Variants in TMEM117 observed in about 807,000 individuals in gnomAD.
The protein encoded by TMEM117 is transmembrane protein 117.
In TMEM117, 27 loss-of-function variants were observed where a neutral mutation model predicts 52.4. The observed-to-expected ratio is 0.51, with a 90% CI of 0.38 to 0.71. The LOEUF (loss-of-function observed/expected upper bound fraction) is 0.71, where lower values mean the gene tolerates loss of function less well. Among genes scored for constraint, TMEM117 ranks in the 30% least tolerant of loss-of-function variants. The pLI is 0.00. For synonymous variants in TMEM117, 215 were observed against 206.3 expected, an observed-to-expected ratio of 1.04 and a Z score of -0.36; for missense variants, 556 against 630.5, an observed-to-expected ratio of 0.88 and a Z score of 1.26.
At chr12:44,387,675 C>T (rs2138875895) in intron 7 of TMEM117, among the ~76,000 whole-genome samples, 1 of 152,162 alleles carries the variant, frequency 6.6e-6, no homozygotes, top group Middle Eastern at 3.4e-3. Flanking sequence ...TTTCATTAGA[C>T]TTTGTTTTTT....
intron 5 of TMEM117, among the ~76,000 whole-genome samples, chr12:44,247,845 G>A (rs1334880330): frequency 6.6e-6 from 1 of 152,144 alleles, no homozygotes; most frequent in East Asian, 1.9e-4. Context: ...GATAGCCTGG[G>A]GTCTGACACT....
intron 3 of TMEM117, among the ~76,000 whole-genome samples, chr12:44,105,318 T>C (rs1947934112): frequency 6.6e-6 from 1 of 152,042 alleles, no homozygotes; most frequent in Non-Finnish European, 1.5e-5. Context: ...CTAGAATTTT[T>C]AAATTATTTC....
At chr12:44,170,126 G>A (rs1329481854) in intron 4 of TMEM117, among the ~76,000 whole-genome samples, 2 of 151,992 alleles carry the variant, frequency 1.3e-5, no homozygotes, top group East Asian at 1.9e-4. Flanking sequence ...AAAAAAGGAT[G>A]CGTTCATGTC....
intron 3 of TMEM117, among the ~76,000 whole-genome samples, chr12:44,141,877 A>T (rs1948575705): frequency 6.6e-6 from 1 of 152,194 alleles, no homozygotes; most frequent in Non-Finnish European, 1.5e-5. Context: ...AAGGTTCTGC[A>T]TACTATTCTT....
At chr12:43,804,184 T>C in the TMEM117 span, 3 of 442,730 alleles carry the variant, frequency 6.8e-6, no homozygotes, top group South Asian at 5.1e-5. Flanking sequence ...ACCTGTTTAG[T>C]GATTTCCATT....
intron 3 of TMEM117, among the ~76,000 whole-genome samples, chr12:44,129,206 G>T (rs574387322): frequency 1.8e-4 from 27 of 152,322 alleles, no homozygotes; most frequent in Middle Eastern, 3.4e-3. Context: ...GCTTCCATTA[G>T]TCATACTGGG....
intron 2 of TMEM117, among the ~76,000 whole-genome samples, chr12:43,917,199 C>G (rs1343703663): frequency 7.0e-6 from 1 of 142,628 alleles, no homozygotes; most frequent in Non-Finnish European, 1.5e-5. Context: ...TTAAGACCAG[C>G]CTGGGCAAGA....
chr12:44,200,672 T>G (rs979243105), intron 4 of TMEM117, among the ~76,000 whole-genome samples: 1 of 152,134 alleles, frequency 6.6e-6, no homozygotes, highest in Non-Finnish European at 1.5e-5. Context: ...CATATCTAAC[T>G]CTGAATCAGT....
At chr12:43,812,237 T>C in the TMEM117 span, among the ~76,000 whole-genome samples, 1 of 152,216 alleles carries the variant, frequency 6.6e-6, no homozygotes, top group Non-Finnish European at 1.5e-5. Flanking sequence ...GACTTGACAC[T>C]ATTCTCTCTT....
chr12:44,377,912 T>C (rs1241771713), intron 7 of TMEM117, among the ~76,000 whole-genome samples: 3 of 152,258 alleles, frequency 2.0e-5, no homozygotes, highest in Non-Finnish European at 4.4e-5. Context: ...AGCTCATGAA[T>C]AGGGAAGATG....
At position 44,028,911 on chromosome 12, in the gene TMEM117, C is replaced by T. The variant is rs374906057; in HGVS notation, c.410+84569C>T. On this transcript the variant is annotated intron_variant, in intron 3 of 7. Transcript: ENST00000266534. The stretch of plus-strand genomic sequence containing the variant: ...GGTGACCATGGAAGGTACTATAATG[C>T]GGAAACCCCTGACCCAAATGCTAAC... 7.2e-5 allele frequency among the ~76,000 whole-genome samples: 11 copies of T among 152,116 alleles called. 1 individual carries two copies. Among genetic ancestry groups the T allele is most frequent in the East Asian group, 1.9e-4 (1 of 5,182 alleles).
At chr12:43,835,699 T>G (rs527458589), upstream of TMEM117, among the ~76,000 whole-genome samples, 156 of 152,246 alleles carry the variant, frequency 1.0e-3, no homozygotes, top group South Asian at 6.0e-3. Context: ...ATGGTGGATT[T>G]TCTGTCAGCC....
chr12:44,317,501 C>A (rs1348540196), intron 6 of TMEM117, among the ~76,000 whole-genome samples: 1 of 151,892 alleles, frequency 6.6e-6, no homozygotes, highest in Non-Finnish European at 1.5e-5. Flanking sequence ...TTCAAGCAAT[C>A]CTCCTGCCTC....
chr12:44,207,278 T>TTA (rs1345057728), intron 4 of TMEM117, among the ~76,000 whole-genome samples: 1 of 152,144 alleles, frequency 6.6e-6, no homozygotes, highest in Non-Finnish European at 1.5e-5. Flanking sequence ...AAATCAATAT[T>TTA]TTACATGAAT....
chr12:43,896,878 C>A (rs1285567275), intron 2 of TMEM117, among the ~76,000 whole-genome samples: 1 of 152,028 alleles, frequency 6.6e-6, no homozygotes, highest in Admixed American at 6.5e-5. Context: ...GGTGTTTGCC[C>A]TATAATTTAA....
At chr12:43,947,963 G>C (rs539623212) in intron 3 of TMEM117, among the ~76,000 whole-genome samples, 1 of 152,184 alleles carries the variant, frequency 6.6e-6, no homozygotes, top group African/African-American at 2.4e-5. Flanking sequence ...ATCTAAACTG[G>C]GGTCTCATGA....
At chr12:43,913,831 GA>G (rs1944555960) in intron 2 of TMEM117, among the ~76,000 whole-genome samples, 2 of 152,204 alleles carry the variant, frequency 1.3e-5, no homozygotes, top group South Asian at 4.1e-4. Context: ...CAGAATATAA[GA>G]TATGTTTTAT....
intron 3 of TMEM117, among the ~76,000 whole-genome samples, chr12:44,119,827 G>A (rs1251122978): frequency 6.6e-6 from 1 of 152,132 alleles, no homozygotes; most frequent in Non-Finnish European, 1.5e-5. Context: ...TCTTTAAAGT[G>A]CCCTAAGGTG....
intron 2 of TMEM117, among the ~76,000 whole-genome samples, chr12:43,891,733 A>G (rs968560840): frequency 1.3e-5 from 2 of 152,016 alleles, no homozygotes; most frequent in East Asian, 3.9e-4. Flanking sequence ...CTCTTATTTT[A>G]TATAATTTTC....
Sources: gnomAD v4.1 joint callset for allele counts (sites outside exome capture counted in the v4.1 genomes callset) on GRCh38, gnomAD v4.1.1 for gene constraint, MANE v1.5 for transcripts, NCBI Gene and HGNC (gene_info 2026-07-23, HGNC 2026-07-21) for gene names.